RGS21: variants seen among roughly 807,000 people sequenced by gnomAD.
RGS21 encodes the protein regulator of G-protein signalling 21.
RGS21 carries 19 observed loss-of-function variants against 18.7 expected under a neutral mutation model. The observed-to-expected ratio is 1.01, with a 90% CI of 0.71 to 1.49. The LOEUF (loss-of-function observed/expected upper bound fraction) is 1.49, where lower values mean the gene tolerates loss of function less well. Among genes scored for constraint, RGS21 ranks in the 40% most tolerant of loss-of-function variants. RGS21 has a pLI of 0.00. For synonymous variants in RGS21, 56 were observed against 57.8 expected, an observed-to-expected ratio of 0.97 and a Z score of 0.14; for missense variants, 194 against 176.8, an observed-to-expected ratio of 1.10 and a Z score of -0.55.
At chr1:192,349,992 A>G (rs1659013315) in intron 3 of RGS21, among the ~76,000 whole-genome samples, 1 of 152,208 alleles carries the variant, frequency 6.6e-6, no homozygotes, top group Non-Finnish European at 1.5e-5. Context: ...ATCTTAGCAT[A>G]AATTCTGTTT....
intron 4 of RGS21, among the ~76,000 whole-genome samples, chr1:192,353,520 T>A (rs1438973095): frequency 6.6e-6 from 1 of 151,856 alleles, no homozygotes; most frequent in Non-Finnish European, 1.5e-5. Context: ...AATGTTATAT[T>A]GGTCTGAAAG....
intron 1 of RGS21, among the ~76,000 whole-genome samples, chr1:192,333,132 T>C (rs1658684368): frequency 6.6e-6 from 1 of 152,020 alleles, no homozygotes; most frequent in Non-Finnish European, 1.5e-5. Context: ...ACTGCCGATC[T>C]AGGTAATAGA....
chr1:192,358,047 T>G (rs1490666518), intron 4 of RGS21, among the ~76,000 whole-genome samples: 1 of 152,034 alleles, frequency 6.6e-6, no homozygotes, highest in Non-Finnish European at 1.5e-5. Context: ...GTCAATCTGA[T>G]TCCATTTCGG....
At chr1:192,329,072 T>C (rs1364814213) in intron 1 of RGS21, among the ~76,000 whole-genome samples, 11 of 152,112 alleles carry the variant, frequency 7.2e-5, no homozygotes, top group Admixed American at 7.2e-4. Context: ...GAAGTTAATA[T>C]CACTCATAAT....
chr1:192,353,977 C>T (rs1659079330), intron 4 of RGS21, among the ~76,000 whole-genome samples: 1 of 151,336 alleles, frequency 6.6e-6, no homozygotes. Flanking sequence ...TTTATATATA[C>T]ATATATATAT....
At chr1:192,343,087 T>C in intron 2 of RGS21, 40 bp downstream of exon 2, 4 of 1,595,810 alleles carry the variant, frequency 2.5e-6, no homozygotes, top group East Asian at 2.2e-5. Flanking sequence ...TCAGAAGATG[T>C]ACAAATGAAA....
chr1:192,335,378 G>A (rs1658752725), intron 1 of RGS21, among the ~76,000 whole-genome samples: 1 of 152,150 alleles, frequency 6.6e-6, no homozygotes, highest in Non-Finnish European at 1.5e-5. Flanking sequence ...GCACATGATA[G>A]CAGCTTACTA....
At chr1:192,337,382 TA>T (rs963413529) in intron 1 of RGS21, among the ~76,000 whole-genome samples, 29 of 152,028 alleles carry the variant, frequency 1.9e-4, no homozygotes, top group South Asian at 8.3e-4. Flanking sequence ...AAAAAGTTAA[TA>T]AAAAAATAAC....
At chr1:192,358,942 T>C (rs1031054670) in intron 4 of RGS21, among the ~76,000 whole-genome samples, 1 of 152,080 alleles carries the variant, frequency 6.6e-6, no homozygotes, top group African/African-American at 2.4e-5. Context: ...GAAACATCAT[T>C]CATAAAGCAG....
intron 2 of RGS21, among the ~76,000 whole-genome samples, chr1:192,346,558 A>T (rs995670132): frequency 4.0e-4 from 61 of 152,130 alleles, no homozygotes; most frequent in African/African-American, 1.4e-3. Flanking sequence ...ATCTTTGTTT[A>T]TTAAGAGGAG....
At chr1:192,359,653 G>GTATA (rs1202366412) in intron 4 of RGS21, among the ~76,000 whole-genome samples, 66 of 104,498 alleles carry the variant, frequency 6.3e-4, no homozygotes, top group African/African-American at 2.2e-3. Flanking sequence ...ATGTGTGTGT[G>GTATA]TGTATATATA....
chr1:192,328,086 A>C (rs1658594235), intron 1 of RGS21, among the ~76,000 whole-genome samples: 1 of 152,142 alleles, frequency 6.6e-6, no homozygotes, highest in Non-Finnish European at 1.5e-5. Context: ...AGGCAAAATG[A>C]ATACCATATT....
intron 1 of RGS21, among the ~76,000 whole-genome samples, chr1:192,330,448 G>T (rs931991661): frequency 6.6e-6 from 1 of 152,062 alleles, no homozygotes; most frequent in Non-Finnish European, 1.5e-5. Flanking sequence ...AATAAACTTC[G>T]AAATAAAATC....
intron 1 of RGS21, among the ~76,000 whole-genome samples, chr1:192,330,058 A>T (rs1175295628): frequency 1.3e-5 from 2 of 152,190 alleles, no homozygotes; most frequent in African/African-American, 4.8e-5. Flanking sequence ...GTATTGTTAT[A>T]TATGAGGTAA....
intron 3 of RGS21, among the ~76,000 whole-genome samples, chr1:192,351,022 G>C (rs576541335): frequency 7.2e-5 from 11 of 152,236 alleles, no homozygotes; most frequent in African/African-American, 2.2e-4. Context: ...ACATTTAAAA[G>C]AGCATATCAT....
chr1:192,342,959 C>A lies in RGS21; in HGVS notation c.-60-18C>A. The stretch of plus-strand genomic sequence containing the variant: ...TCGCATACTAATTGTAATGTTCCTG[C>A]TGTCACATTACCTTCAGCTTGAAGA... On this transcript the variant is annotated intron_variant, in intron 1 of 4. Transcript: ENST00000417209. 7.1e-7 allele frequency: 1 copy of A among 1,412,264 alleles called. No individual in the cohort carries two copies. The allele number at this position is 1,412,264 out of a possible 1,614,324, so 87.5% of individuals were successfully genotyped here.
intron 1 of RGS21, among the ~76,000 whole-genome samples, chr1:192,323,987 T>A (rs911876705): frequency 6.6e-6 from 1 of 152,100 alleles, no homozygotes; most frequent in East Asian, 1.9e-4. Flanking sequence ...TTTTGCCTCA[T>A]GTAAATGTTT....
intron 3 of RGS21, among the ~76,000 whole-genome samples, chr1:192,349,009 A>G (rs1288225794): frequency 6.6e-6 from 1 of 152,194 alleles, no homozygotes; most frequent in African/African-American, 2.4e-5. Flanking sequence ...AACTTCCAGA[A>G]TCCACCTAAG....
chr1:192,342,351 T>A (rs533974369), intron 1 of RGS21, among the ~76,000 whole-genome samples: 67 of 152,162 alleles, frequency 4.4e-4, no homozygotes, highest in African/African-American at 1.6e-3. Context: ...CCTTATTACA[T>A]TAAACATCAT....
Sources: gnomAD v4.1 joint callset for allele counts (sites outside exome capture counted in the v4.1 genomes callset) on GRCh38, gnomAD v4.1.1 for gene constraint, MANE v1.5 for transcripts, NCBI Gene and HGNC (gene_info 2026-07-23, HGNC 2026-07-21) for gene names.